The following REEP5 variants were observed in gnomAD, a reference collection of about 807,000 sequenced individuals.
REEP5 encodes receptor accessory protein 5.
Under a neutral mutation model 22.4 loss-of-function variants are expected in REEP5, and 24 were observed. That is an observed-to-expected ratio of 1.07 (90% CI 0.78 to 1.51). The LOEUF (loss-of-function observed/expected upper bound fraction) is 1.51, where lower values mean the gene tolerates loss of function less well. Among genes scored for constraint, REEP5 ranks in the 40% most tolerant of loss-of-function variants. The probability of loss-of-function intolerance (pLI) is 0.00; values close to 1 mark genes in which losing one functional copy is unlikely to be tolerated. For missense variants in REEP5, 252 were observed against 233.0 expected (o/e 1.08, Z -0.53); for synonymous variants, 103 against 88.6 (o/e 1.16, Z -0.92).
intron 2 of REEP5, among the ~76,000 whole-genome samples, chr5:112,920,165 C>T (rs981764759): frequency 6.6e-6 from 1 of 152,330 alleles, no homozygotes; most frequent in African/African-American, 2.4e-5. Flanking sequence ...GTAACAACTA[C>T]TAGGTAACTG....
At chr5:112,887,310 G>C in intron 3 of REEP5, 127 bp from the exon 4 acceptor site, 1 of 869,320 alleles carries the variant, frequency 1.2e-6, no homozygotes, top group Non-Finnish European at 1.6e-6. Flanking sequence ...GGCATTACCA[G>C]TGTTTTCTGC....
At chr5:112,913,331 AAAGGAAAAG>A (rs1769149397) in intron 2 of REEP5, among the ~76,000 whole-genome samples, 1 of 150,160 alleles carries the variant, frequency 6.7e-6, no homozygotes, top group Non-Finnish European at 1.5e-5. Flanking sequence ...AGACAGACAG[AAAGGAAAAG>A]AAAGAAAAGA....
At chr5:112,890,049 A>C (rs936865756) in intron 3 of REEP5, among the ~76,000 whole-genome samples, 1 of 149,330 alleles carries the variant, frequency 6.7e-6, no homozygotes, top group Non-Finnish European at 1.5e-5. Flanking sequence ...CTGGTCTTGA[A>C]CTCCTGACCT....
intron 1 of REEP5, chr5:112,921,465 T>C (rs1167565426): frequency 2.0e-5 from 12 of 593,728 alleles, no homozygotes; most frequent in African/African-American, 3.7e-5. Context: ...AGCCCCACCA[T>C]TGTGCCTCTC....
chr5:112,917,508 T>A (rs1485520990), intron 2 of REEP5, among the ~76,000 whole-genome samples: 1 of 152,180 alleles, frequency 6.6e-6, no homozygotes, highest in African/African-American at 2.4e-5. Flanking sequence ...AGCAAAAAAG[T>A]TACTGGGTAG....
intron 3 of REEP5, chr5:112,892,705 G>C (rs1398154192): frequency 5.0e-6 from 8 of 1,613,958 alleles, no homozygotes; most frequent in South Asian, 1.1e-5. Flanking sequence ...CTTGTCTTCA[G>C]ATCAGACTGG....
Position 112,878,948 on chromosome 5 carries a change from A to T in REEP5, c.521-113T>A, listed in dbSNP as rs567378895. On this transcript the variant is annotated intron_variant, in intron 4 of 4. Transcript: ENST00000379638. ...CTAGATAACAAAACTTGGATGACTC[A>T]TGTTCAGGTGCGATCATGTTGGGGT... 4.6e-6 allele frequency: 7 copies of T among 1,521,112 alleles called. No individual in the cohort carries two copies. In the South Asian group the frequency reaches 8.2e-5, roughly 18 times the overall value. The allele number at this position is 1,521,112 out of a possible 1,614,324, so 94.2% of individuals were successfully genotyped here.
chr5:112,921,452 G>A (rs1423114855), intron 1 of REEP5, 196 bp from the exon 2 acceptor site: 3 of 612,428 alleles, frequency 4.9e-6, no homozygotes, highest in East Asian at 2.8e-5. Flanking sequence ...GGGGATACCA[G>A]GCAGCCCCAC....
chr5:112,888,206 T>G (rs886200852), intron 3 of REEP5, among the ~76,000 whole-genome samples: 2 of 152,222 alleles, frequency 1.3e-5, no homozygotes, highest in African/African-American at 4.8e-5. Flanking sequence ...CCAAGGGATG[T>G]ACTCATAATC....
chr5:112,918,571 T>C (rs1769282289), intron 2 of REEP5, among the ~76,000 whole-genome samples: 1 of 152,298 alleles, frequency 6.6e-6, no homozygotes, highest in Non-Finnish European at 1.5e-5. Context: ...TTACTGGCAA[T>C]AGTTTGGCAA....
intron 2 of REEP5, among the ~76,000 whole-genome samples, chr5:112,916,947 A>C (rs56315627): frequency 0.11 from 16,438 of 152,274 alleles, 1,028 homozygotes; most frequent in African/African-American, 0.16. Flanking sequence ...ATATCTGTTA[A>C]ATAAAATGCT....
At chr5:112,921,895 GC>G (rs2150050270) in intron 1 of REEP5, 177 bp downstream of exon 1, 2 of 734,104 alleles carry the variant, frequency 2.7e-6, no homozygotes, top group East Asian at 3.8e-5. Context: ...GGCAGCCCCC[GC>G]GGGGTCCTCC....
chr5:112,889,644 A>G (rs1199838178), intron 3 of REEP5, among the ~76,000 whole-genome samples: 2 of 150,438 alleles, frequency 1.3e-5, no homozygotes, highest in Non-Finnish European at 2.9e-5. Flanking sequence ...TCAGAATTAT[A>G]TAGACAAATG....
chr5:112,889,759 T>G (rs1255962006), intron 3 of REEP5, among the ~76,000 whole-genome samples: 1 of 149,836 alleles, frequency 6.7e-6, no homozygotes, highest in Non-Finnish European at 1.5e-5. Context: ...GGTTGGAGGA[T>G]CACATGAGCC....
In REEP5 at chr5:112,877,394, C is replaced by CT. The variant is rs1434219517; in HGVS notation, c.*1391dup. 7 of 152,134 alleles carry CT rather than the reference C, an allele frequency of 4.6e-5. No homozygotes were observed. The highest frequency in any genetic ancestry group is 8.8e-5 in the Non-Finnish European group (6 of 68,016). The allele number at this position is 152,134 out of a possible 1,614,324, so 9.4% of individuals were successfully genotyped here. Reference sequence around the variant, plus strand: ...TAGTCGAGTTTAATTCAAAAGGACTCTTAACAGTATGGTGTAAAACTCAGA... The same window carrying CT: ...TAGTCGAGTTTAATTCAAAAGGACTCTTTAACAGTATGGTGTAAAACTCAGA... On this transcript the variant is annotated 3_prime_UTR_variant, in exon 5 of 5. Transcript: ENST00000379638.
chr5:112,902,146 G>T (rs1160919542), intron 3 of REEP5, among the ~76,000 whole-genome samples: 1 of 151,962 alleles, frequency 6.6e-6, no homozygotes, highest in Non-Finnish European at 1.5e-5. Flanking sequence ...GAGTAGCCAG[G>T]TGCAGTGGTG....
Position 112,878,851 on chromosome 5 carries a change from G to A in REEP5, c.521-16C>T, listed in dbSNP as rs760202355. The A allele has an allele frequency of 6.2e-7, 1 of 1,613,780 alleles. No homozygotes were observed. Among genetic ancestry groups the A allele is most frequent in the East Asian group, 2.2e-5 (1 of 44,882 alleles). Reference sequence around the variant, plus strand: ...GCTTTCTTCGCTGTTTGTTTGTTAGGAGGGAAAGAAAAATATATCAAAGCT... The same window carrying A: ...GCTTTCTTCGCTGTTTGTTTGTTAGAAGGGAAAGAAAAATATATCAAAGCT... On this transcript the variant is annotated splice_polypyrimidine_tract_variant and intron_variant, in intron 4 of 4. Transcript: ENST00000379638.
chr5:112,890,726 G>A (rs1028489296), intron 3 of REEP5, among the ~76,000 whole-genome samples: 1 of 150,494 alleles, frequency 6.6e-6, no homozygotes, highest in Non-Finnish European at 1.5e-5. Context: ...CCAACAAAGA[G>A]GGATTCAAAG....
At chr5:112,921,587 T>A (rs1698393152) in intron 1 of REEP5, 21 of 364,262 alleles carry the variant, frequency 5.8e-5, no homozygotes, top group South Asian at 5.1e-4. Flanking sequence ...CGCTCCAGCC[T>A]GGGAAGCTGC....
Sources: gnomAD v4.1 joint callset for allele counts (sites outside exome capture counted in the v4.1 genomes callset) on GRCh38, gnomAD v4.1.1 for gene constraint, MANE v1.5 for transcripts, NCBI Gene and HGNC (gene_info 2026-07-23, HGNC 2026-07-21) for gene names.